Variants in NCKAP1 observed in about 807,000 individuals in gnomAD.
The protein encoded by NCKAP1 is NCK associated protein 1.
Under a neutral mutation model 151.2 loss-of-function variants are expected in NCKAP1, and 21 were observed. That is an observed-to-expected ratio of 0.14 (90% CI 0.10 to 0.20). The LOEUF is 0.20. Ranked by LOEUF, NCKAP1 falls within the 10% of genes least tolerant of loss-of-function variation. NCKAP1 has a pLI of 1.00. For missense variants in NCKAP1, 933 were observed against 1,352.1 expected, an observed-to-expected ratio of 0.69 and a Z score of 4.86; for synonymous variants, 484 against 451.8, an observed-to-expected ratio of 1.07 and a Z score of -0.90.
intron 20 of NCKAP1, among the ~76,000 whole-genome samples, chr2:182,953,705 G>T (rs1575027095): frequency 1.3e-5 from 2 of 152,174 alleles, no homozygotes; most frequent in East Asian, 3.9e-4. Flanking sequence ...GGTTGAGACA[G>T]GAGAATCGCT....
chr2:182,915,880 A>G lies in NCKAP1; in HGVS notation c.*9822T>C, dbSNP rs1361774176. On this transcript the variant is annotated 3_prime_UTR_variant, in exon 31 of 31. Coordinates refer to ENST00000361354, the MANE Select transcript of NCKAP1 (RefSeq NM_013436.5). ...CTCTTGGCATTTCACTTAAATTTTC[A>G]GATTTAAAAATAATTTTTTTGCTAC... 6.6e-6 allele frequency: 1 copy of G among 152,114 alleles called. No homozygotes were observed. Among genetic ancestry groups the G allele is most frequent in the East Asian group, 1.9e-4 (1 of 5,186 alleles). The allele number at this position is 152,114 out of a possible 1,614,324, so 9.4% of individuals were successfully genotyped here.
chr2:183,037,342 G>A (rs981304239), intron 1 of NCKAP1, among the ~76,000 whole-genome samples: 36 of 152,288 alleles, frequency 2.4e-4, no homozygotes, highest in Admixed American at 1.6e-3. Context: ...CAGTTCTAGT[G>A]ACTCACAGCC....
rs1272286084 is a variant in NCKAP1, at chr2:182,956,370, C to T, written c.2153+92G>A. On this transcript the variant is annotated intron_variant, in intron 20 of 30. Transcript: ENST00000361354. Reference sequence around the variant, plus strand: ...CATTATTCTTAACACTAATCCAGTTCTACTAATGCTTTTCCTTATAAAACA... The same window carrying T: ...CATTATTCTTAACACTAATCCAGTTTTACTAATGCTTTTCCTTATAAAACA... The T allele has an allele frequency of 3.4e-6, 5 of 1,465,140 alleles. No homozygotes were observed. In the African/African-American group the frequency reaches 7.1e-5, roughly 21 times the overall value. The allele number at this position is 1,465,140 out of a possible 1,614,324, so 90.8% of individuals were successfully genotyped here.
intron 18 of NCKAP1, among the ~76,000 whole-genome samples, chr2:182,960,748 A>G (rs1697429807): frequency 6.6e-6 from 1 of 152,226 alleles, no homozygotes; most frequent in Non-Finnish European, 1.5e-5. Context: ...TAATTAAACT[A>G]AAGAGCTTCT....
chr2:182,955,378 T>C (rs183058795), intron 20 of NCKAP1, among the ~76,000 whole-genome samples: 12 of 152,244 alleles, frequency 7.9e-5, no homozygotes, highest in South Asian at 6.2e-4. Flanking sequence ...AAAAAAATTG[T>C]CAAATAAATA....
At chr2:183,021,201 A>G (rs745833455) in intron 2 of NCKAP1, among the ~76,000 whole-genome samples, 1 of 152,210 alleles carries the variant, frequency 6.6e-6, no homozygotes, top group Non-Finnish European at 1.5e-5. Flanking sequence ...GTTTATAGCA[A>G]CATTATTCAT....
Position 182,956,472 on chromosome 2 carries a change from G to T in NCKAP1, c.2143C>A (p.Arg715Ser). The change falls in exon 20 of 31, where the codon CGC becomes AGC. Residue 715 changes from arginine to serine, a missense_variant. Arg to Ser is a moderately radical substitution (Grantham distance 110). This residue lies in a region of NCKAP1 where 326 missense variants were observed against 557.1 expected (regional missense o/e 0.59). Transcript: ENST00000361354. ...AATATTCTTTCTTACTTGGTAAAGC[G>T]TATTTCCAGATGAGAAGTCAAATAT... ...REYLTSHLEIRFTKSIVGMTM... is the reference protein window; with the variant it reads ...REYLTSHLEISFTKSIVGMTM... 6.2e-7 allele frequency: 1 copy of T among 1,609,698 alleles called. No homozygotes were observed. The highest frequency in any genetic ancestry group is 8.5e-7 in the Non-Finnish European group (1 of 1,178,268).
chr2:182,926,009 G>A (rs1696636549), intron 30 of NCKAP1, among the ~76,000 whole-genome samples, 191 bp from the exon 31 acceptor site: 2 of 151,946 alleles, frequency 1.3e-5, no homozygotes, highest in Non-Finnish European at 2.9e-5. Flanking sequence ...CACAGTGAAT[G>A]TATATCAAAC....
rs1251839112 is a variant in NCKAP1 at position 182,915,778 on chromosome 2, G to C, written c.*9924C>G. 1 of 152,130 alleles carries C rather than the reference G, an allele frequency of 6.6e-6. No homozygotes were observed. The allele number at this position is 152,130 out of a possible 1,614,324, so 9.4% of individuals were successfully genotyped here. A position where few individuals can be genotyped will look rare whatever the true frequency, so the allele number is the denominator to read the frequency against. On this transcript the variant is annotated 3_prime_UTR_variant, in exon 31 of 31. Transcript: ENST00000361354. ...GACTCTAGCTAGGGGTGAGTCACCA[G>C]AATAAAATGATCATTTATTTCAGGA...
chr2:182,941,308 G>A (rs1450028577), intron 24 of NCKAP1, among the ~76,000 whole-genome samples: 4 of 152,204 alleles, frequency 2.6e-5, no homozygotes, highest in East Asian at 1.9e-4. Flanking sequence ...AAGATTCACT[G>A]TGATTTCACA....
intron 6 of NCKAP1, among the ~76,000 whole-genome samples, 186 bp from the exon 7 acceptor site, chr2:182,996,024 T>A (rs991953769): frequency 9.9e-5 from 15 of 152,192 alleles, no homozygotes; most frequent in African/African-American, 3.1e-4. Context: ...TTTGCTAACG[T>A]TATAAAAGCT....
At chr2:183,017,978 G>C (rs141279219) in intron 2 of NCKAP1, among the ~76,000 whole-genome samples, 1 of 152,130 alleles carries the variant, frequency 6.6e-6, no homozygotes, top group African/African-American at 2.4e-5. Context: ...GGCCGGGTGC[G>C]GTGGCTCATG....
At chr2:182,954,366 T>C (rs1224359962) in intron 20 of NCKAP1, among the ~76,000 whole-genome samples, 1 of 152,182 alleles carries the variant, frequency 6.6e-6, no homozygotes, top group Non-Finnish European at 1.5e-5. Context: ...ACCACCCCTA[T>C]TTCACTTTCT....
chr2:182,941,941 T>C, intron 24 of NCKAP1, 129 bp downstream of exon 24: 1 of 673,240 alleles, frequency 1.5e-6, no homozygotes, highest in Admixed American at 3.0e-5. Context: ...ATGTTCTAGT[T>C]CTCTTCATAA....
At chr2:183,021,348 T>G (rs538375860) in intron 2 of NCKAP1, among the ~76,000 whole-genome samples, 19 of 152,222 alleles carry the variant, frequency 1.2e-4, no homozygotes, top group African/African-American at 4.6e-4. Context: ...AGCTGTAATC[T>G]CAGCACTTTG....
intron 2 of NCKAP1, among the ~76,000 whole-genome samples, chr2:183,012,895 T>G (rs1313187794): frequency 1.3e-5 from 2 of 151,748 alleles, no homozygotes; most frequent in Non-Finnish European, 2.9e-5. Context: ...AAAGTGCTAT[T>G]ACAGGCATGA....
At chr2:182,998,734 G>C (rs1242688308) in intron 6 of NCKAP1, among the ~76,000 whole-genome samples, 2 of 151,256 alleles carry the variant, frequency 1.3e-5, no homozygotes, top group African/African-American at 2.4e-5. Flanking sequence ...GGGGGCAAAG[G>C]CAGGAGAATT....
chr2:182,911,791 A>T lies in NCKAP1; in HGVS notation c.*13911T>A, dbSNP rs1696400307. ...CGCTTTTGGAGAAACTTGCCCTTAT[A>T]TACTCTCTTATAATTGCCTCAACAA... On this transcript the variant is annotated 3_prime_UTR_variant, in exon 31 of 31. Transcript: ENST00000361354. The T allele has an allele frequency of 6.6e-6, 1 of 152,194 alleles. No homozygotes were observed. Among genetic ancestry groups the T allele is most frequent in the African/African-American group, 2.4e-5 (1 of 41,462 alleles). 9.4% of individuals were successfully genotyped at this position (152,194 alleles called of 1,614,324 possible). A position where few individuals can be genotyped will look rare whatever the true frequency, so the allele number is the denominator to read the frequency against.
intron 19 of NCKAP1, chr2:182,957,173 T>C (rs1415802151): frequency 7.9e-6 from 2 of 253,142 alleles, no homozygotes; most frequent in Non-Finnish European, 1.5e-5. Context: ...AGATTGCTTA[T>C]AATGTAACAC....
Sources: gnomAD v4.1 joint callset for allele counts (sites outside exome capture counted in the v4.1 genomes callset) on GRCh38, gnomAD v4.1.1 for gene constraint, gnomAD v4.1.1 regional missense constraint, MANE v1.5 for transcripts, NCBI Gene and HGNC (gene_info 2026-07-23, HGNC 2026-07-21) for gene names.